Variants in CRTAC1 observed in about 807,000 individuals in gnomAD.
CRTAC1 encodes acidic secreted protein in cartilage.
Under a neutral mutation model 67.8 loss-of-function variants are expected in CRTAC1, and 37 were observed. The observed-to-expected ratio is 0.55, with a 90% CI of 0.42 to 0.72. The LOEUF is 0.72. CRTAC1 is among the 30% of genes least tolerant of loss of function. CRTAC1 has a pLI of 0.00. For synonymous variants in CRTAC1, 348 were observed against 371.0 expected (o/e 0.94, Z 0.71); for missense variants, 780 against 931.6 (o/e 0.84, Z 2.12).
intron 11 of CRTAC1, among the ~76,000 whole-genome samples, chr10:97,893,957 A>C (rs1423447505): frequency 6.6e-6 from 1 of 152,240 alleles, no homozygotes; most frequent in Non-Finnish European, 1.5e-5. Flanking sequence ...TCATAGCTGA[A>C]TAATATTCCA....
chr10:97,907,447 A>C (rs1186620020), intron 6 of CRTAC1, among the ~76,000 whole-genome samples: 1 of 151,924 alleles, frequency 6.6e-6, no homozygotes, highest in African/African-American at 2.4e-5. Flanking sequence ...GGAGGAGCAC[A>C]GCTGGGGGCC....
chr10:97,926,264 G>A (rs1022013094), intron 3 of CRTAC1, among the ~76,000 whole-genome samples: 2 of 152,164 alleles, frequency 1.3e-5, no homozygotes, highest in East Asian at 1.9e-4. Flanking sequence ...ACAGGGCCCC[G>A]ACCCAGTCGG....
At chr10:97,967,768 T>C (rs964927165) in intron 2 of CRTAC1, among the ~76,000 whole-genome samples, 1 of 152,124 alleles carries the variant, frequency 6.6e-6, no homozygotes, top group African/African-American at 2.4e-5. Flanking sequence ...TCACTGAGTG[T>C]ATTAAGCAGA....
intron 2 of CRTAC1, among the ~76,000 whole-genome samples, chr10:98,001,183 C>G (rs2136683764): frequency 6.6e-6 from 1 of 152,226 alleles, no homozygotes; most frequent in South Asian, 2.1e-4. Flanking sequence ...GACAGAATTA[C>G]TGAGAGAAAT....
chr10:97,922,021 C>A (rs1330663525), intron 4 of CRTAC1, among the ~76,000 whole-genome samples: 1 of 152,108 alleles, frequency 6.6e-6, no homozygotes, highest in Non-Finnish European at 1.5e-5. Flanking sequence ...GCCTCTCCCC[C>A]CAGTTCTCTG....
chr10:97,960,008 T>G (rs919818588), intron 2 of CRTAC1, among the ~76,000 whole-genome samples: 7 of 152,256 alleles, frequency 4.6e-5, no homozygotes, highest in African/African-American at 1.7e-4. Context: ...CTGCCTAGCA[T>G]GTACTAAAAT....
At chr10:98,015,673 T>G (rs978720726) in intron 1 of CRTAC1, among the ~76,000 whole-genome samples, 1 of 152,222 alleles carries the variant, frequency 6.6e-6, no homozygotes, top group African/African-American at 2.4e-5. Context: ...ATGATTCTAA[T>G]ATGTTGCAAA....
chr10:97,873,208 C>T (rs1203131768), intron 14 of CRTAC1, among the ~76,000 whole-genome samples: 1 of 152,088 alleles, frequency 6.6e-6, no homozygotes, highest in Non-Finnish European at 1.5e-5. Context: ...TCCATTTGAT[C>T]CCAGAGTTTC....
Position 97,866,564 on chromosome 10 carries a change from G to A in CRTAC1, c.1820-850C>T, listed in dbSNP as rs1222287666. The A allele has an allele frequency of 2.0e-5, 3 of 152,268 alleles. No homozygotes were observed. In the South Asian group the frequency reaches 6.2e-4, roughly 32 times the overall value. 9.4% of individuals were successfully genotyped at this position (152,268 alleles called of 1,614,324 possible). ...GCACATGTGTGTAAGTGCAGTGTGCGTAAATGTGTGAGTCTGCGTGTGTTA... is the reference window on the plus strand; with the variant it reads ...GCACATGTGTGTAAGTGCAGTGTGCATAAATGTGTGAGTCTGCGTGTGTTA... On this transcript the variant is annotated intron_variant, in intron 14 of 14. Transcript: ENST00000370597.
At chr10:97,988,586 A>G (rs1473196653) in intron 2 of CRTAC1, among the ~76,000 whole-genome samples, 1 of 152,098 alleles carries the variant, frequency 6.6e-6, no homozygotes, top group Non-Finnish European at 1.5e-5. Flanking sequence ...CGGGTGTGGC[A>G]GCATGTGCCT....
intron 2 of CRTAC1, among the ~76,000 whole-genome samples, chr10:97,995,118 T>C (rs912149726): frequency 2.6e-5 from 4 of 152,152 alleles, no homozygotes; most frequent in Non-Finnish European, 5.9e-5. Context: ...ATGTGCACAG[T>C]TCATGTTTCT....
chr10:98,008,380 C>T (rs767940259), intron 2 of CRTAC1, among the ~76,000 whole-genome samples: 2 of 151,148 alleles, frequency 1.3e-5, no homozygotes, highest in Non-Finnish European at 2.9e-5. Context: ...CCCTTTCTTT[C>T]CTTCCATCTG....
intron 2 of CRTAC1, among the ~76,000 whole-genome samples, chr10:97,992,244 G>A (rs1324596685): frequency 6.6e-6 from 1 of 152,174 alleles, no homozygotes; most frequent in Non-Finnish European, 1.5e-5. Flanking sequence ...TTATTTGGAG[G>A]GGGTTGAGGG....
chr10:97,896,571 T>C (rs1590190997), intron 9 of CRTAC1, among the ~76,000 whole-genome samples: 1 of 152,264 alleles, frequency 6.6e-6, no homozygotes, highest in East Asian at 1.9e-4. Flanking sequence ...ATCCTCTGCC[T>C]GAGAGCAGAA....
At chr10:98,001,170 A>G (rs1842681344) in intron 2 of CRTAC1, among the ~76,000 whole-genome samples, 1 of 152,174 alleles carries the variant, frequency 6.6e-6, no homozygotes, top group Non-Finnish European at 1.5e-5. Context: ...TAAAACAAAA[A>G]TCGACAGAAT....
At chr10:97,932,818 A>G (rs2051022085) in intron 3 of CRTAC1, among the ~76,000 whole-genome samples, 1 of 152,222 alleles carries the variant, frequency 6.6e-6, no homozygotes, top group African/African-American at 2.4e-5. Context: ...AGAAGTTGGC[A>G]TGATTTTAGA....
At chr10:97,961,754 T>C (rs1379615061) in intron 2 of CRTAC1, among the ~76,000 whole-genome samples, 1 of 152,244 alleles carries the variant, frequency 6.6e-6, no homozygotes, top group Non-Finnish European at 1.5e-5. Context: ...ATTCATTGAC[T>C]GGATGCAGTG....
rs535132173 is a variant in CRTAC1 at position 97,892,942 on chromosome 10, T to C, written c.1486+2303A>G. Among the ~76,000 whole-genome samples the C allele has an allele frequency of 3.3e-5, 5 of 152,262 alleles. No homozygotes were observed. The East Asian group carries it at 5.8e-4, about 18-fold the overall frequency. On this transcript the variant is annotated intron_variant, in intron 11 of 14. Transcript: ENST00000370597. ...AAATATTATGTGTTCCCTATAAAAA[T>C]TGGAGCACACACACACGACAAAACA... is the stretch of plus-strand genomic sequence containing the variant.
chr10:98,014,685 C>T (rs1842963462), intron 1 of CRTAC1, among the ~76,000 whole-genome samples: 1 of 152,114 alleles, frequency 6.6e-6, no homozygotes, highest in Non-Finnish European at 1.5e-5. Flanking sequence ...TATACAAATG[C>T]TCAATAAGTA....
Sources: allele counts gnomAD v4.1 joint callset (sites outside exome capture counted in the v4.1 genomes callset), GRCh38; gene constraint gnomAD v4.1.1; transcripts MANE v1.5; gene names NCBI Gene and HGNC (gene_info 2026-07-23, HGNC 2026-07-21).